SHANK2: variants seen among roughly 807,000 people sequenced by gnomAD.
SHANK2 encodes the protein SH3 and multiple ankyrin repeat domains 2.
Under a neutral mutation model 133.7 loss-of-function variants are expected in SHANK2, and 43 were observed. That is an observed-to-expected ratio of 0.32 (90% CI 0.25 to 0.41). The LOEUF is 0.41. Among genes scored for constraint, SHANK2 ranks in the 10% least tolerant of loss-of-function variants. The pLI is 1.00. For synonymous variants in SHANK2, 1,017 were observed against 952.8 expected (o/e 1.07, Z -1.24); for missense variants, 1,994 against 2,235.8 (o/e 0.89, Z 2.18).
In SHANK2 at chr11:70,525,552, C is replaced by A. The variant is rs185366952; in HGVS notation, c.2062-22621G>T. Among the ~76,000 whole-genome samples the A allele has an allele frequency of 3.3e-4, 50 of 152,156 alleles. No homozygotes were observed. In the East Asian group the frequency reaches 5.0e-3, roughly 15 times the overall value. Reference sequence around the variant, plus strand: ...GAAAAGGGCATTTGGAAACGAGCTTCGAGGTAGGGGAGAAAACAGGCTCTT... The same window carrying A: ...GAAAAGGGCATTTGGAAACGAGCTTAGAGGTAGGGGAGAAAACAGGCTCTT... On this transcript the variant is annotated intron_variant, in intron 17 of 25. Coordinates refer to ENST00000601538, the MANE Select transcript of SHANK2 (RefSeq NM_012309.5).
chr11:71,110,543 C>T (rs1483915375), intron 5 of SHANK2, among the ~76,000 whole-genome samples: 4 of 152,182 alleles, frequency 2.6e-5, no homozygotes, highest in Admixed American at 1.3e-4. Flanking sequence ...CTGCAGTGAG[C>T]TGTGTTCATG....
Position 70,661,645 on chromosome 11 carries a change from C to A in SHANK2, c.1887G>T (p.Leu629=). Residue 629 remains leucine, a synonymous_variant, in exon 16 of 26, where the codon CTG becomes CTT. Transcript: ENST00000601538. ...DCIIEEKTVV[L]QKKDNEGFGF... ...CAAAGCCCTCATTGTCTTTTTTCTG[C>A]AGGACCACCGTCTTCTCCTCAATAA... The A allele has an allele frequency of 6.2e-7, 1 of 1,614,028 alleles. No individual in the cohort carries two copies. The highest frequency in any genetic ancestry group is 8.5e-7 in the Non-Finnish European group (1 of 1,180,018).
At chr11:70,643,329 C>T (rs1014101646) in intron 17 of SHANK2, among the ~76,000 whole-genome samples, 17 of 152,008 alleles carry the variant, frequency 1.1e-4, no homozygotes, top group Non-Finnish European at 1.5e-4. Flanking sequence ...TTTGGGAGGC[C>T]GAGGCGGGCG....
intron 8 of SHANK2, among the ~76,000 whole-genome samples, chr11:71,079,687 G>A (rs1343780143): frequency 3.3e-5 from 5 of 151,358 alleles, no homozygotes; most frequent in African/African-American, 1.2e-4. Flanking sequence ...GTGAACCCGG[G>A]AGGCGGAGCT....
At chr11:70,893,912 G>A (rs1434344569) in intron 11 of SHANK2, among the ~76,000 whole-genome samples, 1 of 152,226 alleles carries the variant, frequency 6.6e-6, no homozygotes, top group South Asian at 2.1e-4. Flanking sequence ...TGAGCCTGTG[G>A]TGGGTGCCCC....
At chr11:70,776,252 T>C (rs1947362846) in intron 14 of SHANK2, among the ~76,000 whole-genome samples, 1 of 152,112 alleles carries the variant, frequency 6.6e-6, no homozygotes, top group African/African-American at 2.4e-5. Context: ...CATGAGTGAG[T>C]GGGGGCAGGT....
In SHANK2 at chr11:71,067,507, C is replaced by T. The variant is rs896512636; in HGVS notation, c.1029+7652G>A. ...CAATTTGATACTTACAATCAAAGCC[C>T]TAATTAGGTGATTTCATAAAAGAAG... On this transcript the variant is annotated intron_variant, in intron 9 of 25. Transcript: ENST00000601538. 7.5e-4 allele frequency among the ~76,000 whole-genome samples: 114 copies of T among 152,242 alleles called. 2 individuals are homozygous for T. Among genetic ancestry groups the T allele is most frequent in the Admixed American group, 2.7e-3 (41 of 15,302 alleles).
chr11:70,936,854 G>A lies in SHANK2; in HGVS notation c.1108-40287C>T, dbSNP rs373503711. Among the ~76,000 whole-genome samples the A allele has an allele frequency of 3.0e-4, 46 of 152,272 alleles. 1 individual carries two copies. In the East Asian group the frequency reaches 5.2e-3, roughly 17 times the overall value. Reference sequence around the variant, plus strand: ...GAAAACACCTCCAATGAAGGGTAACGCACACTGGTACCCACTGTAAGTCCT... The same window carrying A: ...GAAAACACCTCCAATGAAGGGTAACACACACTGGTACCCACTGTAAGTCCT... On this transcript the variant is annotated intron_variant, in intron 10 of 25. Transcript: ENST00000601538.
At chr11:70,620,790 ACTCT>A (rs1267135228) in intron 17 of SHANK2, among the ~76,000 whole-genome samples, 1 of 150,764 alleles carries the variant, frequency 6.6e-6, no homozygotes, top group Non-Finnish European at 1.5e-5. Flanking sequence ...TTTCACACAC[ACTCT>A]CTCTCTCTCC....
At chr11:71,065,829 G>A (rs1951047554) in intron 9 of SHANK2, among the ~76,000 whole-genome samples, 4 of 112,856 alleles carry the variant, frequency 3.5e-5, no homozygotes, top group African/African-American at 7.3e-5. Flanking sequence ...GGAAGTTGGG[G>A]GCGGGGCATA....
intron 8 of SHANK2, among the ~76,000 whole-genome samples, chr11:71,084,691 T>C (rs1024190260): frequency 6.6e-6 from 1 of 152,174 alleles, no homozygotes; most frequent in Non-Finnish European, 1.5e-5. Flanking sequence ...TGTAATTTCT[T>C]CTGCCACAAA....
intron 3 of SHANK2, among the ~76,000 whole-genome samples, chr11:71,140,475 A>G (rs1952533450): frequency 6.6e-6 from 1 of 152,208 alleles, no homozygotes; most frequent in African/African-American, 2.4e-5. Flanking sequence ...GCAGGGAGGC[A>G]GGGTCCGGCC....
chr11:70,504,640 T>C (rs1466699032), intron 17 of SHANK2, among the ~76,000 whole-genome samples: 2 of 152,200 alleles, frequency 1.3e-5, no homozygotes, highest in Non-Finnish European at 2.9e-5. Flanking sequence ...ACTATCCTAA[T>C]GGGGCCTTGG....
chr11:70,738,955 C>T (rs913053122), intron 14 of SHANK2, among the ~76,000 whole-genome samples: 1 of 152,320 alleles, frequency 6.6e-6, no homozygotes, highest in South Asian at 2.1e-4. Flanking sequence ...ACTCAACTTT[C>T]CCATGTAGGG....
intron 17 of SHANK2, among the ~76,000 whole-genome samples, chr11:70,503,393 C>T (rs1555159310): frequency 6.6e-6 from 1 of 152,204 alleles, no homozygotes; most frequent in African/African-American, 2.4e-5. Flanking sequence ...TTAATTGCTT[C>T]TCATGTATTC....
chr11:71,234,784 G>A (rs935627261), intron 1 of SHANK2, among the ~76,000 whole-genome samples: 2 of 152,144 alleles, frequency 1.3e-5, no homozygotes, highest in Non-Finnish European at 2.9e-5. Context: ...CCCGGGCACT[G>A]GAGGAGCATG....
chr11:70,551,008 G>A (rs1373412732), intron 17 of SHANK2, among the ~76,000 whole-genome samples: 11 of 152,162 alleles, frequency 7.2e-5, no homozygotes, highest in East Asian at 3.9e-4. Flanking sequence ...CTGAGAAGGC[G>A]ATGCCCCTGA....
At chr11:71,204,412 T>C (rs1434656935) in intron 2 of SHANK2, among the ~76,000 whole-genome samples, 1 of 152,028 alleles carries the variant, frequency 6.6e-6, no homozygotes, top group Non-Finnish European at 1.5e-5. Context: ...CCATCTGCGC[T>C]GCCTCTGTAA....
Position 70,840,490 on chromosome 11 carries a change from GGAGGAGCCCTCA to G in SHANK2, c.1175-19820_1175-19809del, listed in dbSNP as rs1308944803. The stretch of plus-strand genomic sequence containing the variant: ...CAGCTCTGAGGAGCATCCTTGTCTG[GGAGGAGCCCTCA>G]GAGGAGCAGAGTGTCCATGGGCCTG... On this transcript the variant is annotated intron_variant, in intron 11 of 25. Transcript: ENST00000601538. Among the ~76,000 whole-genome samples, 2 of 152,212 alleles carry G rather than the reference GGAGGAGCCCTCA, an allele frequency of 1.3e-5. 1 individual carries two copies. The highest frequency in any genetic ancestry group is 4.8e-5 in the African/African-American group (2 of 41,454).
Sources: allele counts gnomAD v4.1 joint callset (sites outside exome capture counted in the v4.1 genomes callset), GRCh38; gene constraint gnomAD v4.1.1; transcripts MANE v1.5; gene names NCBI Gene and HGNC (gene_info 2026-07-23, HGNC 2026-07-21).